The following CUL9 variants were observed in gnomAD, a reference collection of about 807,000 sequenced individuals.
The protein encoded by CUL9 is cullin 9.
In CUL9, 79 loss-of-function variants were observed where a neutral mutation model predicts 272.6. The ratio of observed to expected loss-of-function variants is 0.29; its 90% confidence interval spans 0.24 to 0.35. The LOEUF is 0.35. CUL9 is among the 10% of genes least tolerant of loss of function. The pLI is 1.00. For missense variants in CUL9, 2,532 were observed against 3,255.6 expected, an observed-to-expected ratio of 0.78 and a Z score of 5.41; for synonymous variants, 1,186 against 1,286.5, an observed-to-expected ratio of 0.92 and a Z score of 1.67.
At chr6:43,192,032 A>G (rs1401906331) in intron 8 of CUL9, among the ~76,000 whole-genome samples, 2 of 149,568 alleles carry the variant, frequency 1.3e-5, no homozygotes, top group East Asian at 1.9e-4. Context: ...ATATTTTGAT[A>G]ATAATAGGCA....
At position 43,216,249 on chromosome 6, in the gene CUL9, G is replaced by A. The variant is rs1775921672; in HGVS notation, c.6028G>A (p.Val2010Met). Residue 2010 changes from valine to methionine, a missense_variant, in exon 31 of 41, where the codon GTG becomes ATG. Around this residue, in one of 3 missense-constraint regions of CUL9, gnomAD observed 2,218 missense variants for 2,788.6 expected, o/e 0.80. Transcript: ENST00000252050. ...QEVEGLMKQTVRQVQETLNLE... is the reference protein window; with the variant it reads ...QEVEGLMKQTMRQVQETLNLE... ...AGTAGAAGGGTTGATGAAGCAGACG[G>A]TGCGTCAGGTGCAGGAGACGCTGAA... The A allele has an allele frequency of 6.2e-7, 1 of 1,613,730 alleles. No homozygotes were observed. Among genetic ancestry groups the A allele is most frequent in the Non-Finnish European group, 8.5e-7 (1 of 1,179,826 alleles).
chr6:43,224,154 C>T lies in CUL9; in HGVS notation c.7344C>T (p.Asn2448=). 1 of 1,614,236 alleles carries T rather than the reference C, an allele frequency of 6.2e-7. No homozygotes were observed. The highest frequency in any genetic ancestry group is 8.5e-7 in the Non-Finnish European group (1 of 1,180,040). Residue 2448 remains asparagine (N), a synonymous_variant, in exon 40 of 41, where the codon AAC becomes AAT. Coordinates refer to ENST00000252050, the MANE Select transcript of CUL9 (RefSeq NM_015089.4). The surrounding 1 kb of genome is among the most constrained non-coding windows in gnomAD (Gnocchi z 4.2). ...AGGCCTGGGAGGCAAAAGGACCCAA[C>T]ATGCCTGGCAGTCAGTAAGTGGGGT... is the stretch of plus-strand genomic sequence containing the variant. ...SVEAWEAKGP[N]MPGSQPQASS... is the part of the protein sequence containing the mutation.
At position 43,224,386 on chromosome 6, in the gene CUL9, G is replaced by A. The variant is rs1776635662; in HGVS notation, c.7495G>A (p.Asp2499Asn). 3 of 1,614,024 alleles carry A rather than the reference G, an allele frequency of 1.9e-6. No homozygotes were observed. In the Admixed American group the frequency reaches 5.0e-5, roughly 27 times the overall value. The stretch of plus-strand genomic sequence containing the variant: ...CTCCTACGATGAGTCTGAGAACCTG[G>A]ACCAAGAGACTTTCTTCTTTGGTGA... ...SFSYDESENL[D>N]QETFFFGDEE... Residue 2499 changes from aspartate to asparagine, a missense_variant, in exon 41 of 41, where the codon GAC becomes AAC. Asp to Asn is a conservative substitution (Grantham distance 23, BLOSUM62 1). This residue lies in a region of CUL9 where 237 missense variants were observed against 305.9 expected (regional missense o/e 0.77). Transcript: ENST00000252050. This position sits in a 1 kb window ranked among gnomAD's most constrained non-coding sequence, Gnocchi z 4.2.
chr6:43,196,988 G>C (rs993717325), intron 11 of CUL9, 126 bp downstream of exon 11: 6 of 750,862 alleles, frequency 8.0e-6, no homozygotes, highest in Admixed American at 7.9e-5. Context: ...CTCAAGTTAG[G>C]TCTTAAGTAG....
At chr6:43,205,546 G>T in intron 24 of CUL9, 123 bp downstream of exon 24, 16 of 1,175,876 alleles carry the variant, frequency 1.4e-5, no homozygotes, top group Non-Finnish European at 2.4e-6. Context: ...TGTGGAGATG[G>T]CTGGCCAGGC....
At position 43,220,540 on chromosome 6, in the gene CUL9, G is replaced by A. The variant is rs1361769456; in HGVS notation, c.6364G>A (p.Ala2122Thr). The change falls in exon 32 of 41, where the codon GCC (alanine) becomes ACC (threonine). Residue 2122 changes from alanine (A) to threonine (T), a missense_variant. By Grantham distance (58) the Ala-to-Thr change is moderately conservative (BLOSUM62 0). Around this residue, in one of 3 missense-constraint regions of CUL9, gnomAD observed 2,218 missense variants for 2,788.6 expected, o/e 0.80. Transcript: ENST00000252050. This position sits in a 1 kb window ranked among gnomAD's most constrained non-coding sequence, Gnocchi z 4.9. ...NCTCPIADCP[A>T]QPTGAFIRAI... ...CACCTGCCCCATTGCCGACTGCCCC[G>A]CCCAGCCCACCGGAGCCTTCATTCG... 7.4e-6 allele frequency: 12 copies of A among 1,614,000 alleles called. No individual in the cohort carries two copies. The highest frequency in any genetic ancestry group is 1.0e-5 in the Non-Finnish European group (12 of 1,179,990).
Position 43,213,124 on chromosome 6 carries a change from A to G in CUL9, c.5213-25A>G. 1 of 1,610,664 alleles carries G rather than the reference A, an allele frequency of 6.2e-7. No homozygotes were observed. Among genetic ancestry groups the G allele is most frequent in the Non-Finnish European group, 8.5e-7 (1 of 1,177,808 alleles). ...CTTGTTTCGCCCATTCTGTGTCTCC[A>G]CCCTTCTCCTTGACACTTGCCTAGG... is the stretch of plus-strand genomic sequence containing the variant. On this transcript the variant is annotated intron_variant, in intron 26 of 40. Transcript: ENST00000252050. This position sits in a 1 kb window ranked among gnomAD's most constrained non-coding sequence, Gnocchi z 5.7.
At chr6:43,198,014 G>A (rs4714673) in intron 11 of CUL9, among the ~76,000 whole-genome samples, 4 of 152,216 alleles carry the variant, frequency 2.6e-5, no homozygotes, top group Non-Finnish European at 5.9e-5. Context: ...GCTGAGGCAG[G>A]CAGATCACTT....
chr6:43,196,086 C>T lies in CUL9; in HGVS notation c.2406C>T (p.Ala802=), dbSNP rs113650111. Residue 802 remains alanine (A), a synonymous_variant, in exon 10 of 41, where the codon GCC becomes GCT. Transcript: ENST00000252050. ...QAGLAALKML[A]VASSSEIPTF... ...CCTCACAGGCACTGAAGATGCTGGC[C>T]GTCGCCAGCTCCTCGGAGATCCCCA... The T allele has an allele frequency of 3.1e-5, 50 of 1,612,968 alleles. No homozygotes were observed. The highest frequency in any genetic ancestry group is 2.0e-4 in the African/African-American group (15 of 74,984).
Position 43,211,447 on chromosome 6 carries a change from A to T in CUL9, c.5213-1702A>T, listed in dbSNP as rs140377745. ...GTGGTGCACGCCTGTAATCCCAGCC[A>T]CTTGGGAGGCTGAGGCAGGAGAATT... On this transcript the variant is annotated intron_variant, in intron 26 of 40. Coordinates refer to ENST00000252050, the MANE Select transcript of CUL9 (RefSeq NM_015089.4). 5.3e-3 allele frequency among the ~76,000 whole-genome samples: 807 copies of T among 152,122 alleles called. 7 individuals are homozygous for T. The highest frequency in any genetic ancestry group is 0.018 in the African/African-American group (766 of 41,498).
chr6:43,185,565 C>T lies in CUL9; in HGVS notation c.705C>T (p.Ser235=). 6.2e-7 allele frequency: 1 copy of T among 1,613,784 alleles called. No homozygotes were observed. Among genetic ancestry groups the T allele is most frequent in the Non-Finnish European group, 8.5e-7 (1 of 1,180,034 alleles). Reference sequence around the variant, plus strand: ...TGGAGCTGTTTGCAGAAACCACATCCTCTGAAGAACACTGCATGGCCTTTG... The same window carrying T: ...TGGAGCTGTTTGCAGAAACCACATCTTCTGAAGAACACTGCATGGCCTTTG... The part of the protein sequence containing the change: ...TLLELFAETT[S]SEEHCMAFEG... The change falls in exon 3 of 41, where the codon TCC becomes TCT. Residue 235 remains serine, a synonymous_variant. Transcript: ENST00000252050.
rs1774779648 is a variant in CUL9, at chr6:43,203,368, T to C, written c.3850-49T>C. 4 of 1,609,692 alleles carry C rather than the reference T, an allele frequency of 2.5e-6. No homozygotes were observed. Among genetic ancestry groups the C allele is most frequent in the Non-Finnish European group, 3.4e-6 (4 of 1,177,668 alleles). On this transcript the variant is annotated intron_variant, in intron 18 of 40. Coordinates refer to ENST00000252050, the MANE Select transcript of CUL9 (RefSeq NM_015089.4). The surrounding 1 kb of genome is among the most constrained non-coding windows in gnomAD (Gnocchi z 5.0). ...GCAGGAGGCTTGGCTTTGGTAGTAC[T>C]TAGTGGCTCAAGCGGCTTGGGTGAC...
Position 43,221,108 on chromosome 6 carries a change from A to G in CUL9, c.6589-50A>G, listed in dbSNP as rs367634092. On this transcript the variant is annotated intron_variant, in intron 33 of 40. Transcript: ENST00000252050. The surrounding 1 kb of genome is among the most constrained non-coding windows in gnomAD (Gnocchi z 4.2). ...CCCCTCTCTCCTGTGCACACCAGCC[A>G]TGCTGCCCTCACGGCTCAGCTGTGT... 14 of 1,594,074 alleles carry G rather than the reference A, an allele frequency of 8.8e-6. No individual in the cohort carries two copies. In the African/African-American group the frequency reaches 1.5e-4, roughly 17 times the overall value.
chr6:43,195,976 A>T (rs1773959204), intron 9 of CUL9, 93 bp from the exon 10 acceptor site: 2 of 1,043,546 alleles, frequency 1.9e-6, no homozygotes. Flanking sequence ...CAAACAGCTC[A>T]GCTGCCCCAA....
rs1029532754 is a variant in CUL9, at chr6:43,223,534, G to T, written c.7284+137G>T. 1 of 1,227,958 alleles carries T rather than the reference G, an allele frequency of 8.1e-7. No individual in the cohort carries two copies. The highest frequency in any genetic ancestry group is 2.6e-5 in the East Asian group (1 of 38,814). The allele number at this position is 1,227,958 out of a possible 1,614,324, so 76.1% of individuals were successfully genotyped here. A position where few individuals can be genotyped will look rare whatever the true frequency, so the allele number is the denominator to read the frequency against. On this transcript the variant is annotated intron_variant, in intron 39 of 40. Coordinates refer to ENST00000252050, the MANE Select transcript of CUL9 (RefSeq NM_015089.4). The surrounding 1 kb of genome is among the most constrained non-coding windows in gnomAD (Gnocchi z 4.1). Reference sequence around the variant, plus strand: ...GGGTGAATGGATGTTAGACCTGGGCGCACATCCCGGCTTTTGGGCCAACCT... The same window carrying T: ...GGGTGAATGGATGTTAGACCTGGGCTCACATCCCGGCTTTTGGGCCAACCT...
chr6:43,223,057 C>T lies in CUL9; in HGVS notation c.7150+161C>T, dbSNP rs1189522649. 7.8e-6 allele frequency: 7 copies of T among 900,260 alleles called. No homozygotes were observed. In the East Asian group the frequency reaches 7.8e-5, roughly 10 times the overall value. The allele number at this position is 900,260 out of a possible 1,614,324, so 55.8% of individuals were successfully genotyped here. On this transcript the variant is annotated intron_variant, in intron 38 of 40. Coordinates refer to ENST00000252050, the MANE Select transcript of CUL9 (RefSeq NM_015089.4). This position sits in a 1 kb window ranked among gnomAD's most constrained non-coding sequence, Gnocchi z 4.1. ...ACTGCCTGGCTGTTAAAGCTCAGGT[C>T]GAAAGCCTACATTGTAAGGTGCCCA...
chr6:43,213,136 G>C lies in CUL9; in HGVS notation c.5213-13G>C. The C allele has an allele frequency of 1.2e-6, 2 of 1,612,796 alleles. No individual in the cohort carries two copies. The highest frequency in any genetic ancestry group is 1.7e-6 in the Non-Finnish European group (2 of 1,179,194). On this transcript the variant is annotated splice_polypyrimidine_tract_variant and intron_variant, in intron 26 of 40. Transcript: ENST00000252050. The surrounding 1 kb of genome is among the most constrained non-coding windows in gnomAD (Gnocchi z 5.7). ...ATTCTGTGTCTCCACCCTTCTCCTT[G>C]ACACTTGCCTAGGTCAGAACCATCC...
At chr6:43,216,802 CTAAT>C (rs1177453892) in intron 31 of CUL9, among the ~76,000 whole-genome samples, 1 of 152,192 alleles carries the variant, frequency 6.6e-6, no homozygotes, top group African/African-American at 2.4e-5. Context: ...ATACCTCAGA[CTAAT>C]TAAACCAGAA....
chr6:43,200,478 C>G lies in CUL9; in HGVS notation c.3427C>G (p.Pro1143Ala). 6.2e-7 allele frequency: 1 copy of G among 1,614,200 alleles called. No individual in the cohort carries two copies. Among genetic ancestry groups the G allele is most frequent in the Non-Finnish European group, 8.5e-7 (1 of 1,180,040 alleles). Reference sequence around the variant, plus strand: ...CGAAGACCACAGACGAACCCACCAACCCATCAATATCCCCTTCTTTGATGT... The same window carrying G: ...CGAAGACCACAGACGAACCCACCAAGCCATCAATATCCCCTTCTTTGATGT... ...QIEDHRRTHQPINIPFFDVFL... is the reference protein window; with the variant it reads ...QIEDHRRTHQAINIPFFDVFL... Residue 1143 changes from proline to alanine, a missense_variant, in exon 15 of 41, where the codon CCC becomes GCC. Coordinates refer to ENST00000252050, the MANE Select transcript of CUL9 (RefSeq NM_015089.4). This position sits in a 1 kb window ranked among gnomAD's most constrained non-coding sequence, Gnocchi z 4.0.
Sources: allele counts gnomAD v4.1 joint callset (sites outside exome capture counted in the v4.1 genomes callset), GRCh38; gene constraint gnomAD v4.1.1; regional missense constraint gnomAD v4.1.1; non-coding constraint Gnocchi (gnomAD v3.1); transcripts MANE v1.5; gene names NCBI Gene and HGNC (gene_info 2026-07-23, HGNC 2026-07-21).